FIBCD1: variants seen among roughly 807,000 people sequenced by gnomAD.
FIBCD1 encodes the protein fibrinogen C domain-containing protein 1.
Under a neutral mutation model 45.1 loss-of-function variants are expected in FIBCD1, and 47 were observed. The observed-to-expected ratio is 1.04, with a 90% confidence interval of 0.82 to 1.33. The LOEUF is 1.33. Among genes scored for constraint, FIBCD1 ranks in the 40% most tolerant of loss-of-function variants. The pLI, the probability that FIBCD1 is intolerant of heterozygous loss-of-function variation, is 0.00. For synonymous variants in FIBCD1, 313 were observed against 308.1 expected (o/e 1.02, Z -0.17); for missense variants, 653 against 682.2 (o/e 0.96, Z 0.48).
chr9:130,912,677 A>AG (rs1832080032), intron 4 of FIBCD1, among the ~76,000 whole-genome samples: 1 of 150,832 alleles, frequency 6.6e-6, no homozygotes, highest in African/African-American at 2.5e-5. Flanking sequence ...ACTACACTCC[A>AG]GCCTGGGTGA....
chr9:130,931,991 C>T (rs1257583977), intron 1 of FIBCD1, among the ~76,000 whole-genome samples: 1 of 152,258 alleles, frequency 6.6e-6, no homozygotes. Flanking sequence ...TCAATGTGCA[C>T]ACAGCATCTG....
intron 5 of FIBCD1, among the ~76,000 whole-genome samples, chr9:130,910,100 A>G (rs1207200747): frequency 2.0e-5 from 3 of 152,110 alleles, no homozygotes; most frequent in Non-Finnish European, 2.9e-5. Flanking sequence ...CCACTCCCTC[A>G]GCTTGCAGGG....
At chr9:130,924,534 G>T in intron 2 of FIBCD1, 138 bp from the exon 3 acceptor site, 1 of 823,514 alleles carries the variant, frequency 1.2e-6, no homozygotes, top group Non-Finnish European at 1.8e-6. Context: ...GCCCTGCCCT[G>T]CCCCTTGGGT....
At position 130,903,984 on chromosome 9, in the gene FIBCD1, G is replaced by T. The variant is rs1831879028; in HGVS notation, c.*80C>A. On this transcript the variant is annotated 3_prime_UTR_variant, in exon 7 of 7. Coordinates refer to ENST00000372338, the MANE Select transcript of FIBCD1 (RefSeq NM_032843.5). ...TGGGTCCGCCAGGCACAGGTGGGTG[G>T]AGAACATTCACGAAAGAGTGAGGTG... is the stretch of plus-strand genomic sequence containing the variant. The T allele has an allele frequency of 6.5e-7, 1 of 1,544,550 alleles. No individual in the cohort carries two copies. The highest frequency in any genetic ancestry group is 8.8e-7 in the Non-Finnish European group (1 of 1,138,098).
Position 130,904,174 on chromosome 9 carries a change from C to T in FIBCD1, c.1276G>A (p.Gly426Ser), listed in dbSNP as rs945498576. 14 of 1,613,574 alleles carry T rather than the reference C, an allele frequency of 8.7e-6. No individual in the cohort carries two copies. The highest frequency in any genetic ancestry group is 1.1e-5 in the Non-Finnish European group (13 of 1,179,986). Residue 426 changes from glycine to serine, a missense_variant, in exon 7 of 7, where the codon GGT (glycine) becomes AGT (serine). Transcript: ENST00000372338. The part of the protein sequence containing the change: ...TSNLNGQYLR[G>S]AHASYADGVE... ...CCGTCGGCATAGGAGGCGTGCGCAC[C>T]GCGCAGGTACTGCCCATTGAGGTTG...
At chr9:130,931,730 G>C (rs1282696988) in intron 1 of FIBCD1, among the ~76,000 whole-genome samples, 1 of 152,230 alleles carries the variant, frequency 6.6e-6, no homozygotes, top group Non-Finnish European at 1.5e-5. Flanking sequence ...GAGAGGGCAA[G>C]GGGCTCTCCC....
At chr9:130,940,305 G>A (rs143460659), upstream of FIBCD1, among the ~76,000 whole-genome samples, 1,352 of 152,354 alleles carry the variant, frequency 8.9e-3, 10 homozygotes, top group Admixed American at 0.015. Flanking sequence ...ACAAACCACC[G>A]GCTGTTTGTC....
chr9:130,940,415 A>C (rs1441898005), upstream of FIBCD1, among the ~76,000 whole-genome samples: 1 of 152,272 alleles, frequency 6.6e-6, no homozygotes, highest in East Asian at 1.9e-4. Context: ...AGGATCCCAC[A>C]GCAATGGCTG....
chr9:130,938,491 G>A (rs1832556938), intron 1 of FIBCD1, 45 bp downstream of exon 1: 1 of 1,447,364 alleles, frequency 6.9e-7, no homozygotes, highest in Non-Finnish European at 9.1e-7. Context: ...AGCGGCCACC[G>A]CCTGGCCAGC....
intron 4 of FIBCD1, among the ~76,000 whole-genome samples, 198 bp downstream of exon 4, chr9:130,923,546 G>C (rs1832297612): frequency 6.6e-6 from 1 of 152,130 alleles, no homozygotes. Flanking sequence ...GGTACCCCAG[G>C]GTCAGCTCAC....
chr9:130,940,091 C>CGA (rs1342165223), upstream of FIBCD1, among the ~76,000 whole-genome samples: 3 of 152,242 alleles, frequency 2.0e-5, no homozygotes, highest in African/African-American at 7.2e-5. Context: ...GCACCGTCTC[C>CGA]GTCTCTCCCC....
chr9:130,933,678 C>A (rs887268039), intron 1 of FIBCD1, among the ~76,000 whole-genome samples: 3 of 141,460 alleles, frequency 2.1e-5, no homozygotes, highest in African/African-American at 7.8e-5. Flanking sequence ...GTCCAGGCTA[C>A]CTTCTCTGAG....
intron 1 of FIBCD1, among the ~76,000 whole-genome samples, chr9:130,931,346 A>G (rs2133120925): frequency 6.6e-6 from 1 of 152,294 alleles, no homozygotes; most frequent in South Asian, 2.1e-4. Context: ...CATCTCTACT[A>G]AAAATACAAA....
In FIBCD1 at chr9:130,927,151, G is replaced by A. The variant is rs897195375; in HGVS notation, c.552+2416C>T. 3.3e-5 allele frequency among the ~76,000 whole-genome samples: 5 copies of A among 152,018 alleles called. No homozygotes were observed. In the South Asian group the frequency reaches 6.2e-4, roughly 19 times the overall value. Reference sequence around the variant, plus strand: ...ACTGCTACTTAGAAGGCTGAGGTGGGAGGATTGTCTGAGCCCAGGAGGTGG... The same window carrying A: ...ACTGCTACTTAGAAGGCTGAGGTGGAAGGATTGTCTGAGCCCAGGAGGTGG... On this transcript the variant is annotated intron_variant, in intron 2 of 6. Coordinates refer to ENST00000372338, the MANE Select transcript of FIBCD1 (RefSeq NM_032843.5).
At chr9:130,935,707 C>T (rs376123289) in intron 1 of FIBCD1, among the ~76,000 whole-genome samples, 11 of 152,318 alleles carry the variant, frequency 7.2e-5, no homozygotes, top group Admixed American at 3.9e-4. Flanking sequence ...CAAGAAAGGG[C>T]GGCCAGCCAC....
At chr9:130,905,968 T>C (rs536460562) in intron 5 of FIBCD1, among the ~76,000 whole-genome samples, 1 of 139,726 alleles carries the variant, frequency 7.2e-6, no homozygotes, top group Non-Finnish European at 1.7e-5. Flanking sequence ...GCTGCCTATC[T>C]TGTCAGTTTC....
rs1215749201 is a variant in FIBCD1, at chr9:130,902,527, T to G, written c.*1537A>C. The G allele has an allele frequency of 6.6e-6, 1 of 152,162 alleles. No individual in the cohort carries two copies. The highest frequency in any genetic ancestry group is 1.5e-5 in the Non-Finnish European group (1 of 68,046). The allele number at this position is 152,162 out of a possible 1,614,324, so 9.4% of individuals were successfully genotyped here. On this transcript the variant is annotated 3_prime_UTR_variant, in exon 7 of 7. Transcript: ENST00000372338. ...AACCCCCAGTGGTGCCAAGTCAAAT[T>G]TATTGTTTTTTAAGCACAAACTTCA... is the stretch of plus-strand genomic sequence containing the variant.
At chr9:130,939,682 C>T (rs1289329605), upstream of FIBCD1, among the ~76,000 whole-genome samples, 2 of 152,052 alleles carry the variant, frequency 1.3e-5, no homozygotes, top group African/African-American at 2.4e-5. Context: ...CCCGCGCTCC[C>T]CGGCGCGCCC....
chr9:130,930,347 G>A (rs1473466917), intron 1 of FIBCD1, among the ~76,000 whole-genome samples: 1 of 151,922 alleles, frequency 6.6e-6, no homozygotes, highest in Non-Finnish European at 1.5e-5. Flanking sequence ...GGGAGACGCA[G>A]GGAGATGCAG....
Sources: allele counts gnomAD v4.1 joint callset (sites outside exome capture counted in the v4.1 genomes callset), GRCh38; gene constraint gnomAD v4.1.1; transcripts MANE v1.5; gene names NCBI Gene and HGNC (gene_info 2026-07-23, HGNC 2026-07-21).